PMS1: variants seen among roughly 807,000 people sequenced by gnomAD.
PMS1 encodes PMS1 protein homolog 1.
A neutral mutation model predicts 93.1 loss-of-function variants in PMS1; 79 were observed. The ratio of observed to expected loss-of-function variants is 0.85; its 90% CI spans 0.71 to 1.02. The LOEUF (loss-of-function observed/expected upper bound fraction) is 1.02, where lower values mean the gene tolerates loss of function less well. Among genes scored for constraint, PMS1 ranks in the 50% least tolerant of loss-of-function variants. The pLI is 0.00. For missense variants in PMS1, 1,064 were observed against 1,085.3 expected, an observed-to-expected ratio of 0.98 and a Z score of 0.28; for synonymous variants, 335 against 363.4, an observed-to-expected ratio of 0.92 and a Z score of 0.89.
chr2:189,821,503 G>A (rs531628003), intron 5 of PMS1, among the ~76,000 whole-genome samples: 41 of 146,778 alleles, frequency 2.8e-4, no homozygotes, highest in Non-Finnish European at 4.6e-4. Flanking sequence ...GAAATCTTTC[G>A]AGTTAGAAAA....
At chr2:189,827,621 T>C (rs1027133614) in intron 5 of PMS1, among the ~76,000 whole-genome samples, 2 of 151,534 alleles carry the variant, frequency 1.3e-5, no homozygotes, top group Non-Finnish European at 2.9e-5. Context: ...AAAGAAAATA[T>C]CATGTGTATC....
chr2:189,794,803 T>C (rs1053593365), intron 2 of PMS1, among the ~76,000 whole-genome samples: 1 of 152,160 alleles, frequency 6.6e-6, no homozygotes, highest in African/African-American at 2.4e-5. Flanking sequence ...ATTGAGATTT[T>C]GAAAAGATTT....
intron 5 of PMS1, among the ~76,000 whole-genome samples, chr2:189,818,557 C>A (rs1273853067): frequency 6.6e-6 from 1 of 152,166 alleles, no homozygotes; most frequent in African/African-American, 2.4e-5. Flanking sequence ...TGTTTATAAG[C>A]CACCTAGTTT....
At chr2:189,815,117 T>TA (rs1337233759) in intron 4 of PMS1, among the ~76,000 whole-genome samples, 3 of 148,780 alleles carry the variant, frequency 2.0e-5, no homozygotes, top group African/African-American at 7.5e-5. Flanking sequence ...AAAAAAAAGA[T>TA]ATGATACTCA....
chr2:189,812,615 A>G (rs533918366), intron 4 of PMS1, among the ~76,000 whole-genome samples: 21 of 152,126 alleles, frequency 1.4e-4, no homozygotes, highest in Non-Finnish European at 2.9e-4. Flanking sequence ...AGTAAAACGC[A>G]TGACAAAAAC....
chr2:189,795,884 A>T lies in PMS1; in HGVS notation c.248A>T (p.Asp83Val). Residue 83 changes from aspartate (D) to valine (V), a missense_variant, in exon 3 of 13, where the codon GAT becomes GTT. By Grantham distance (152) the Asp-to-Val change is radical. Coordinates refer to ENST00000441310, the MANE Select transcript of PMS1 (RefSeq NM_000534.5). ...YYTSKINSHE[D>V]LENLTTYGFR... ...ACCTCAAAAATAAATAGTCATGAAG[A>T]TCTTGAAAATTTGACAACTTACGGT... The T allele has an allele frequency of 6.2e-7, 1 of 1,613,674 alleles. No individual in the cohort carries two copies. The highest frequency in any genetic ancestry group is 8.5e-7 in the Non-Finnish European group (1 of 1,179,596).
intron 4 of PMS1, among the ~76,000 whole-genome samples, chr2:189,807,951 G>A (rs1299563848): frequency 2.0e-5 from 3 of 152,048 alleles, no homozygotes; most frequent in East Asian, 1.9e-4. Flanking sequence ...TTAATTTTAA[G>A]TTGTTCTTGG....
intron 5 of PMS1, among the ~76,000 whole-genome samples, chr2:189,821,945 G>GT (rs2051936074): frequency 6.6e-6 from 1 of 152,132 alleles, no homozygotes; most frequent in African/African-American, 2.4e-5. Context: ...TTTTTGAGAG[G>GT]TTTATATCAT....
chr2:189,828,213 T>C (rs772772579), intron 5 of PMS1, among the ~76,000 whole-genome samples: 15 of 152,164 alleles, frequency 9.9e-5, no homozygotes, highest in Non-Finnish European at 1.5e-4. Context: ...CGTGAGCCAC[T>C]GCGCCCGGCC....
chr2:189,836,235 G>A (rs2053375078), intron 5 of PMS1, among the ~76,000 whole-genome samples: 1 of 152,176 alleles, frequency 6.6e-6, no homozygotes, highest in African/African-American at 2.4e-5. Context: ...ATGTCAGTGA[G>A]GTAGGAATTA....
chr2:189,842,566 T>G (rs1471844908), intron 5 of PMS1, among the ~76,000 whole-genome samples: 1 of 152,200 alleles, frequency 6.6e-6, no homozygotes, highest in Non-Finnish European at 1.5e-5. Context: ...TACCCCATGT[T>G]GACCTAAAAG....
intron 1 of PMS1, among the ~76,000 whole-genome samples, chr2:189,789,543 C>T (rs1436476263): frequency 3.3e-5 from 5 of 152,116 alleles, no homozygotes; most frequent in Admixed American, 1.3e-4. Context: ...CCCAATATGT[C>T]GGCCTCTTCC....
intron 6 of PMS1, among the ~76,000 whole-genome samples, chr2:189,845,564 C>T (rs569306741): frequency 9.9e-5 from 15 of 151,972 alleles, no homozygotes; most frequent in South Asian, 2.1e-4. Flanking sequence ...CAGTTCATTA[C>T]GTCTTTTTGA....
intron 4 of PMS1, among the ~76,000 whole-genome samples, chr2:189,810,170 A>G (rs1414176245): frequency 1.3e-5 from 2 of 152,204 alleles, no homozygotes; most frequent in African/African-American, 4.8e-5. Flanking sequence ...GAGTTTGAAG[A>G]TGGTAGGAGT....
At chr2:189,791,587 A>C in intron 1 of PMS1, 1 of 446,628 alleles carries the variant, frequency 2.2e-6, no homozygotes, top group Admixed American at 3.4e-5. Flanking sequence ...ACTGCACTCC[A>C]GCCTGGGTGA....
In PMS1 at chr2:189,796,091, G is replaced by T. The variant is rs2049328323; in HGVS notation, c.315+140G>T. On this transcript the variant is annotated intron_variant, in intron 3 of 12. Coordinates refer to ENST00000441310, the MANE Select transcript of PMS1 (RefSeq NM_000534.5). ...TACATAACATAAGCCGGGCGAGGTG[G>T]CTCACGCCTGTAATCCCAGCACTTT... 5.7e-6 allele frequency: 4 copies of T among 697,266 alleles called. No homozygotes were observed. In the Admixed American group the frequency reaches 9.0e-5, roughly 16 times the overall value. The allele number at this position is 697,266 out of a possible 1,614,324, so 43.2% of individuals were successfully genotyped here. A position where few individuals can be genotyped will look rare whatever the true frequency, so the allele number is the denominator to read the frequency against.
intron 4 of PMS1, among the ~76,000 whole-genome samples, chr2:189,816,504 C>G (rs1181858725): frequency 6.6e-6 from 1 of 152,072 alleles, no homozygotes; most frequent in African/African-American, 2.4e-5. Flanking sequence ...GTAGAATGTA[C>G]TTTCTTTTTT....
In PMS1 at chr2:189,853,148, G is replaced by A. The variant is rs141149516; in HGVS notation, c.822+371G>A. On this transcript the variant is annotated intron_variant, in intron 7 of 12. Transcript: ENST00000441310. The stretch of plus-strand genomic sequence containing the variant: ...GGCTCACTGCAACCTCCATCTCCTG[G>A]GTTTGAGCAATTCGCCTGCCTCAGC... Among the ~76,000 whole-genome samples the A allele has an allele frequency of 3.3e-5, 5 of 152,166 alleles. No individual in the cohort carries two copies. In the East Asian group the frequency reaches 9.6e-4, roughly 29 times the overall value.
intron 5 of PMS1, among the ~76,000 whole-genome samples, chr2:189,822,567 G>A (rs1001248722): frequency 3.3e-5 from 5 of 152,198 alleles, no homozygotes; most frequent in African/African-American, 1.2e-4. Context: ...TGTAGAAGAT[G>A]TGACTCTAGG....
Sources: gnomAD v4.1 joint callset for allele counts (sites outside exome capture counted in the v4.1 genomes callset) on GRCh38, gnomAD v4.1.1 for gene constraint, MANE v1.5 for transcripts, NCBI Gene and HGNC (gene_info 2026-07-23, HGNC 2026-07-21) for gene names.